Variants in KCNN3 observed in about 807,000 individuals in gnomAD.
KCNN3 encodes the protein potassium calcium-activated channel subfamily N member 3.
A neutral mutation model predicts 62.9 loss-of-function variants in KCNN3; 16 were observed. The observed-to-expected ratio is 0.25, with a 90% CI of 0.17 to 0.39. KCNN3 has a LOEUF of 0.39. KCNN3 is among the 10% of genes least tolerant of loss of function. The probability of loss-of-function intolerance (pLI) is 1.00; values close to 1 mark genes in which losing one functional copy is unlikely to be tolerated. For synonymous variants in KCNN3, 370 were observed against 389.2 expected, an observed-to-expected ratio of 0.95 and a Z score of 0.58; for missense variants, 599 against 949.4, an observed-to-expected ratio of 0.63 and a Z score of 4.85.
chr1:154,769,478 G>T (rs1648454009), intron 3 of KCNN3, among the ~76,000 whole-genome samples: 2 of 152,148 alleles, frequency 1.3e-5, no homozygotes, highest in African/African-American at 4.8e-5. Context: ...AACTAACCCA[G>T]CCTCAGCTTG....
intron 3 of KCNN3, among the ~76,000 whole-genome samples, chr1:154,744,928 A>C (rs1700907975): frequency 7.1e-6 from 1 of 141,362 alleles, no homozygotes; most frequent in Non-Finnish European, 1.5e-5. Flanking sequence ...ATTAAGGCAA[A>C]AAAAAAAAAA....
chr1:154,765,955 C>T (rs191135840), intron 3 of KCNN3, among the ~76,000 whole-genome samples: 1 of 152,152 alleles, frequency 6.6e-6, no homozygotes, highest in East Asian at 1.9e-4. Context: ...CCACCCAAGA[C>T]TCTTCTAATG....
At chr1:154,835,865 C>T (rs1406684860) in intron 1 of KCNN3, among the ~76,000 whole-genome samples, 2 of 152,202 alleles carry the variant, frequency 1.3e-5, no homozygotes, top group Admixed American at 6.5e-5. Context: ...AGGATTTAAG[C>T]AATTACCCAA....
intron 2 of KCNN3, among the ~76,000 whole-genome samples, chr1:154,791,833 G>C (rs1649532373): frequency 1.3e-5 from 2 of 152,164 alleles, no homozygotes; most frequent in Non-Finnish European, 2.9e-5. Flanking sequence ...GTATGAATTT[G>C]GAAGGAAAAA....
Position 154,850,364 on chromosome 1 carries a change from T to A in KCNN3, c.933+18668A>T, listed in dbSNP as rs138200625. Reference sequence around the variant, plus strand: ...TCAGAAGGCCCATGTCCAGCAGGCCTGGGCTGCCCAAGTGAGGTGGCCTTG... The same window carrying A: ...TCAGAAGGCCCATGTCCAGCAGGCCAGGGCTGCCCAAGTGAGGTGGCCTTG... On this transcript the variant is annotated intron_variant, in intron 1 of 7. Coordinates refer to ENST00000271915, the MANE Select transcript of KCNN3 (RefSeq NM_002249.6). 3.2e-4 allele frequency among the ~76,000 whole-genome samples: 49 copies of A among 152,350 alleles called. No individual in the cohort carries two copies. The East Asian group carries it at 8.7e-3, about 27-fold the overall frequency.
intron 7 of KCNN3, among the ~76,000 whole-genome samples, chr1:154,711,932 A>G (rs1210975542): frequency 1.3e-5 from 2 of 150,180 alleles, no homozygotes; most frequent in African/African-American, 2.5e-5. Context: ...GAGACAGGGA[A>G]AGGGAGAGGA....
intron 6 of KCNN3, 116 bp from the exon 7 acceptor site, chr1:154,713,649 G>A (rs536747376): frequency 1.1e-5 from 9 of 802,718 alleles, no homozygotes; most frequent in Admixed American, 5.6e-5. Flanking sequence ...CATGGGGACC[G>A]TGAACCTGGG....
intron 2 of KCNN3, among the ~76,000 whole-genome samples, chr1:154,773,718 A>G (rs959530405): frequency 2.0e-5 from 3 of 152,242 alleles, no homozygotes; most frequent in African/African-American, 7.2e-5. Flanking sequence ...TCCAGCACAC[A>G]GGTGCCAAAT....
chr1:154,817,496 T>C (rs1043359333), intron 2 of KCNN3, among the ~76,000 whole-genome samples: 1 of 152,172 alleles, frequency 6.6e-6, no homozygotes, highest in African/African-American at 2.4e-5. Context: ...CTCCACAGTA[T>C]GGTTATTAGT....
intron 1 of KCNN3, among the ~76,000 whole-genome samples, chr1:154,842,632 C>T (rs928070453): frequency 1.4e-4 from 2 of 14,244 alleles, no homozygotes; most frequent in Non-Finnish European, 7.1e-4. Flanking sequence ...TTCAGGGACC[C>T]CCCCCCCGCC....
At chr1:154,855,945 G>A (rs542655212) in intron 1 of KCNN3, among the ~76,000 whole-genome samples, 1 of 152,278 alleles carries the variant, frequency 6.6e-6, no homozygotes, top group East Asian at 1.9e-4. Flanking sequence ...GCAAAAGCAA[G>A]CGCCAAGGGT....
intron 1 of KCNN3, among the ~76,000 whole-genome samples, chr1:154,868,820 T>C (rs1209489040): frequency 1.3e-5 from 2 of 151,382 alleles, no homozygotes; most frequent in Non-Finnish European, 2.9e-5. Context: ...CACGGGAAGT[T>C]AGAGTGTTGA....
chr1:154,736,264 C>T (rs949334632), intron 3 of KCNN3, among the ~76,000 whole-genome samples: 9 of 152,226 alleles, frequency 5.9e-5, no homozygotes, highest in Non-Finnish European at 8.8e-5. Flanking sequence ...CACTAAATGT[C>T]AGCCATTATT....
intron 5 of KCNN3, among the ~76,000 whole-genome samples, chr1:154,721,753 C>T (rs915287027): frequency 9.2e-5 from 14 of 151,794 alleles, no homozygotes; most frequent in Non-Finnish European, 2.1e-4. Context: ...ATCTGTTTAG[C>T]TACATAAAAC....
At chr1:154,805,941 T>C (rs904927713) in intron 2 of KCNN3, among the ~76,000 whole-genome samples, 1 of 152,184 alleles carries the variant, frequency 6.6e-6, no homozygotes, top group Non-Finnish European at 1.5e-5. Flanking sequence ...CTGGATTATC[T>C]AGATGGGCAC....
At chr1:154,821,543 CAG>C (rs1314480535) in intron 2 of KCNN3, among the ~76,000 whole-genome samples, 1 of 152,214 alleles carries the variant, frequency 6.6e-6, no homozygotes, top group Non-Finnish European at 1.5e-5. Flanking sequence ...CAGCAAGAAA[CAG>C]AGGCCTTCTC....
At chr1:154,790,072 C>G (rs1228510185) in intron 2 of KCNN3, among the ~76,000 whole-genome samples, 1 of 152,146 alleles carries the variant, frequency 6.6e-6, no homozygotes, top group Non-Finnish European at 1.5e-5. Context: ...CAATGCCCAG[C>G]TAATTTTTTG....
chr1:154,844,084 C>A (rs1162136385), intron 1 of KCNN3, among the ~76,000 whole-genome samples: 1 of 152,204 alleles, frequency 6.6e-6, no homozygotes, highest in Non-Finnish European at 1.5e-5. Flanking sequence ...GGGACTCCAC[C>A]CAAGGGAGCA....
intron 1 of KCNN3, among the ~76,000 whole-genome samples, chr1:154,860,470 A>G (rs999326980): frequency 6.6e-6 from 1 of 152,164 alleles, no homozygotes; most frequent in Non-Finnish European, 1.5e-5. Flanking sequence ...CCCAGACCAC[A>G]AATTGCTAAC....
Sources: gnomAD v4.1 joint callset for allele counts (sites outside exome capture counted in the v4.1 genomes callset) on GRCh38, gnomAD v4.1.1 for gene constraint, MANE v1.5 for transcripts, NCBI Gene and HGNC (gene_info 2026-07-23, HGNC 2026-07-21) for gene names.